The following ASCC3 variants were observed in gnomAD, a reference collection of about 807,000 sequenced individuals.
ASCC3 encodes activating signal cointegrator 1 complex subunit 3, also known as ASC-1 complex subunit P200.
In ASCC3, 158 loss-of-function variants were observed where a neutral mutation model predicts 256.3. The ratio of observed to expected loss-of-function variants is 0.62; its 90% CI spans 0.54 to 0.70. The LOEUF (loss-of-function observed/expected upper bound fraction) is 0.70, where lower values mean the gene tolerates loss of function less well. Ranked by LOEUF, ASCC3 falls within the 30% of genes least tolerant of loss-of-function variation. The pLI is 0.00. For missense variants in ASCC3, 2,259 were observed against 2,626.0 expected, an observed-to-expected ratio of 0.86 and a Z score of 3.05; for synonymous variants, 948 against 883.4, an observed-to-expected ratio of 1.07 and a Z score of -1.30.
chr6:100,606,654 G>A (rs1562158997), intron 32 of ASCC3, 86 bp downstream of exon 32: 1 of 1,414,660 alleles, frequency 7.1e-7, no homozygotes, highest in Non-Finnish European at 9.5e-7. Context: ...AGTTTAATTG[G>A]TGGAAATTCA....
At chr6:100,590,150 T>TC in intron 34 of ASCC3, 91 bp from the exon 35 acceptor site, 1 of 864,924 alleles carries the variant, frequency 1.2e-6, no homozygotes, top group Non-Finnish European at 1.9e-6. Context: ...ATAAATATAA[T>TC]CCCCTTTTAT....
chr6:100,550,943 A>T (rs1362813112), intron 36 of ASCC3, among the ~76,000 whole-genome samples: 1 of 151,966 alleles, frequency 6.6e-6, no homozygotes, highest in Admixed American at 6.6e-5. Context: ...TCTAAGTTTA[A>T]TAAGTTTCAT....
At position 100,540,226 on chromosome 6, in the gene ASCC3, T is replaced by G; in HGVS notation, c.5712A>C (p.Leu1904=). ...TATCAGTGTCATAATCTGGGCAGGG[T>G]AGCATGGCTCGGCTGAGATGTGCCT... ...LLQAHLSRAM[L]PCPDYDTDTK... is the part of the protein sequence containing the mutation. Residue 1904 remains leucine (L), a synonymous_variant, in exon 37 of 42, where the codon CTA becomes CTC. Transcript: ENST00000369162. 6.2e-7 allele frequency: 1 copy of G among 1,614,126 alleles called. No individual in the cohort carries two copies. Among genetic ancestry groups the G allele is most frequent in the Non-Finnish European group, 8.5e-7 (1 of 1,180,012 alleles).
At chr6:100,790,749 A>G (rs983713982) in intron 8 of ASCC3, among the ~76,000 whole-genome samples, 10 of 151,950 alleles carry the variant, frequency 6.6e-5, no homozygotes, top group Admixed American at 6.6e-4. Context: ...AAATCAATAA[A>G]GTGTAGGTTG....
chr6:100,828,867 T>G (rs1236092495), intron 4 of ASCC3, among the ~76,000 whole-genome samples: 1 of 152,060 alleles, frequency 6.6e-6, no homozygotes. Context: ...CACTGCTAGC[T>G]CCAGCAGCCT....
intron 39 of ASCC3, among the ~76,000 whole-genome samples, chr6:100,513,788 A>G (rs1773891763): frequency 2.0e-5 from 3 of 152,142 alleles, no homozygotes; most frequent in Admixed American, 2.0e-4. Context: ...TAATGAATGA[A>G]TGAATGAGAA....
chr6:100,822,274 C>T (rs538673882), intron 4 of ASCC3, among the ~76,000 whole-genome samples: 12 of 152,258 alleles, frequency 7.9e-5, no homozygotes, highest in South Asian at 2.1e-4. Context: ...CAGTGGCTCA[C>T]GCCTGTAATC....
At chr6:100,719,347 C>A (rs1372458155) in intron 11 of ASCC3, among the ~76,000 whole-genome samples, 2 of 152,052 alleles carry the variant, frequency 1.3e-5, no homozygotes, top group African/African-American at 4.8e-5. Flanking sequence ...TTAAAGAAAT[C>A]TCTTTCACAA....
At chr6:100,729,820 T>C (rs1170686365) in intron 10 of ASCC3, among the ~76,000 whole-genome samples, 3 of 152,184 alleles carry the variant, frequency 2.0e-5, no homozygotes, top group Non-Finnish European at 4.4e-5. Flanking sequence ...AAATTGATTT[T>C]GAAATTTTTA....
chr6:100,864,021 C>T, intron 3 of ASCC3, 43 bp downstream of exon 3: 2 of 1,420,772 alleles, frequency 1.4e-6, no homozygotes. Flanking sequence ...TTGAACCTTA[C>T]TGGTTCTCTT....
intron 7 of ASCC3, among the ~76,000 whole-genome samples, chr6:100,799,184 G>A (rs1316685582): frequency 6.6e-6 from 1 of 151,996 alleles, no homozygotes; most frequent in Admixed American, 6.6e-5. Context: ...TAGCAGCAAT[G>A]CAACTGATAA....
intron 37 of ASCC3, among the ~76,000 whole-genome samples, chr6:100,534,922 T>C (rs1775088413): frequency 6.6e-6 from 1 of 152,208 alleles, no homozygotes; most frequent in Non-Finnish European, 1.5e-5. Flanking sequence ...ATAAAAGGTA[T>C]GCTTCTATAA....
intron 5 of ASCC3, among the ~76,000 whole-genome samples, chr6:100,803,163 C>G (rs1026376885): frequency 1.4e-5 from 2 of 147,544 alleles, no homozygotes; most frequent in African/African-American, 5.4e-5. Context: ...TACTCATAAA[C>G]CTTGCTGGCT....
intron 10 of ASCC3, among the ~76,000 whole-genome samples, chr6:100,731,863 T>C (rs1240839536): frequency 3.9e-5 from 6 of 152,118 alleles, no homozygotes; most frequent in Admixed American, 3.9e-4. Flanking sequence ...AGAAACACTT[T>C]AAAATGTCAT....
At chr6:100,842,423 T>C (rs1266098739) in intron 4 of ASCC3, among the ~76,000 whole-genome samples, 2 of 152,194 alleles carry the variant, frequency 1.3e-5, no homozygotes, top group Non-Finnish European at 2.9e-5. Flanking sequence ...TTTTTCATTC[T>C]CATGTTCTCA....
At chr6:100,560,748 A>AACACAC (rs747539213) in intron 36 of ASCC3, among the ~76,000 whole-genome samples, 4,409 of 133,858 alleles carry the variant, frequency 0.033, 154 homozygotes, top group East Asian at 0.08. Flanking sequence ...ATCTTAGAGG[A>AACACAC]ACACACACAC....
At chr6:100,722,404 A>T (rs761478515) in intron 11 of ASCC3, among the ~76,000 whole-genome samples, 3 of 151,616 alleles carry the variant, frequency 2.0e-5, no homozygotes, top group Non-Finnish European at 4.4e-5. Flanking sequence ...CATGCAATAT[A>T]CCCATGTAAC....
At chr6:100,566,421 C>T (rs1770253204) in intron 36 of ASCC3, among the ~76,000 whole-genome samples, 1 of 152,278 alleles carries the variant, frequency 6.6e-6, no homozygotes, top group African/African-American at 2.4e-5. Flanking sequence ...ACTATGGCCA[C>T]CTCAATGTAT....
chr6:100,734,539 T>C (rs965149244), intron 10 of ASCC3, among the ~76,000 whole-genome samples: 1 of 152,178 alleles, frequency 6.6e-6, no homozygotes, highest in African/African-American at 2.4e-5. Flanking sequence ...AAAATGGAGA[T>C]TAAAACGGTA....
Sources: allele counts gnomAD v4.1 joint callset (sites outside exome capture counted in the v4.1 genomes callset), GRCh38; gene constraint gnomAD v4.1.1; transcripts MANE v1.5; gene names NCBI Gene and HGNC (gene_info 2026-07-23, HGNC 2026-07-21).